USP20: variants seen among roughly 807,000 people sequenced by gnomAD.
The protein encoded by USP20 is ubiquitin carboxyl-terminal hydrolase 20.
A neutral mutation model predicts 124.2 loss-of-function variants in USP20; 80 were observed. The observed-to-expected ratio is 0.64, with a 90% CI of 0.54 to 0.78. USP20 has a LOEUF of 0.78. Among genes scored for constraint, USP20 ranks in the 30% least tolerant of loss-of-function variants. USP20 has a pLI of 0.00. For synonymous variants in USP20, 481 were observed against 512.3 expected (o/e 0.94, Z 0.83); for missense variants, 1,043 against 1,244.4 (o/e 0.84, Z 2.44).
chr9:129,838,238 C>G (rs1338938523), intron 1 of USP20, among the ~76,000 whole-genome samples: 1 of 152,020 alleles, frequency 6.6e-6, no homozygotes, highest in Non-Finnish European at 1.5e-5. Flanking sequence ...GACGGGGTTT[C>G]ACCATGTTGG....
chr9:129,858,402 A>G (rs577966827), intron 5 of USP20, 65 bp from the exon 6 acceptor site: 4 of 1,607,876 alleles, frequency 2.5e-6, no homozygotes, highest in Admixed American at 3.4e-5. Flanking sequence ...CGGAGCAGCC[A>G]TTACAGGTTG....
At chr9:129,865,498 C>G in intron 10 of USP20, 117 bp downstream of exon 10, 1 of 1,069,270 alleles carries the variant, frequency 9.4e-7, no homozygotes, top group South Asian at 1.3e-5. Context: ...TGGCAGGTCT[C>G]ACGGACCAGG....
At chr9:129,876,311 A>G in intron 22 of USP20, 73 bp downstream of exon 22, 2 of 1,331,978 alleles carry the variant, frequency 1.5e-6, no homozygotes, top group Non-Finnish European at 1.1e-6. Flanking sequence ...TTGGGGACAG[A>G]AGAATCCTGT....
At chr9:129,863,565 G>T (rs1175819717) in intron 9 of USP20, among the ~76,000 whole-genome samples, 1 of 152,194 alleles carries the variant, frequency 6.6e-6, no homozygotes, top group Non-Finnish European at 1.5e-5. Context: ...ACCTACTGTT[G>T]ACCCTACCGA....
At chr9:129,865,246 C>G (rs770566312) in intron 9 of USP20, 57 bp from the exon 10 acceptor site, 2 of 1,584,138 alleles carry the variant, frequency 1.3e-6, no homozygotes, top group South Asian at 1.1e-5. Flanking sequence ...CTGCTTCTCT[C>G]GGGAATGAGC....
chr9:129,879,762 G>C lies in USP20; in HGVS notation c.2584+118G>C. 8.7e-7 allele frequency: 1 copy of C among 1,150,326 alleles called. No homozygotes were observed. Among genetic ancestry groups the C allele is most frequent in the Non-Finnish European group, 1.3e-6 (1 of 792,640 alleles). 71.3% of individuals were successfully genotyped at this position (1,150,326 alleles called of 1,614,324 possible). ...ACCTGTCTTAGAGTCAGGCTGAGAC[G>C]TCCACCTGAGTCCAGACCCAGGCGG... On this transcript the variant is annotated intron_variant, in intron 24 of 25. Transcript: ENST00000372429. This position sits in a 1 kb window ranked among gnomAD's most constrained non-coding sequence, Gnocchi z 4.2.
At chr9:129,848,194 G>T (rs1349987348) in intron 1 of USP20, among the ~76,000 whole-genome samples, 2 of 152,126 alleles carry the variant, frequency 1.3e-5, no homozygotes, top group African/African-American at 4.8e-5. Flanking sequence ...TACTCAAGGG[G>T]CTGAGGCAAG....
At chr9:129,866,834 AG>A (rs1350353433) in intron 10 of USP20, among the ~76,000 whole-genome samples, 29 of 152,356 alleles carry the variant, frequency 1.9e-4, no homozygotes, top group African/African-American at 6.7e-4. Context: ...AGTAGATGGC[AG>A]ATTGAAAGCC....
At chr9:129,837,868 A>G (rs1045090528) in intron 1 of USP20, among the ~76,000 whole-genome samples, 4 of 152,082 alleles carry the variant, frequency 2.6e-5, no homozygotes, top group African/African-American at 7.2e-5. Context: ...TTATTTTACA[A>G]AAGCTTTTAT....
At position 129,868,112 on chromosome 9, in the gene USP20, T is replaced by C. The variant is rs777669391; in HGVS notation, c.798T>C (p.Ser266=). ...CGGAGGCTCGGGACTCAGATTCGAG[T>C]GACACGGATGAGAAACGGGAGGGTG... is the stretch of plus-strand genomic sequence containing the variant. The part of the protein sequence containing the change: ...ALTEARDSDS[S]DTDEKREGDR... The change falls in exon 11 of 26, where the codon AGT becomes AGC. Residue 266 remains serine (S), a synonymous_variant. Coordinates refer to ENST00000372429, the MANE Select transcript of USP20 (RefSeq NM_001110303.4). The C allele has an allele frequency of 1.2e-6, 2 of 1,613,878 alleles. No homozygotes were observed. The highest frequency in any genetic ancestry group is 3.3e-5 in the Admixed American group (2 of 60,002).
At chr9:129,850,970 AGAC>A (rs2032885643) in intron 2 of USP20, among the ~76,000 whole-genome samples, 1 of 152,084 alleles carries the variant, frequency 6.6e-6, no homozygotes, top group Non-Finnish European at 1.5e-5. Flanking sequence ...TTTGTTTTTA[AGAC>A]TCATGCAGTC....
chr9:129,873,834 T>C (rs2034255769), intron 17 of USP20, 90 bp downstream of exon 17: 1 of 1,488,804 alleles, frequency 6.7e-7, no homozygotes, highest in African/African-American at 1.4e-5. Context: ...GCTCCACTGC[T>C]CGGGCACTTC....
In USP20 at chr9:129,868,466, G is replaced by A; in HGVS notation, c.1135+17G>A. 3 of 1,603,332 alleles carry A rather than the reference G, an allele frequency of 1.9e-6. No individual in the cohort carries two copies. Among genetic ancestry groups the A allele is most frequent in the Non-Finnish European group, 2.6e-6 (3 of 1,174,310 alleles). The stretch of plus-strand genomic sequence containing the variant: ...GGACGCCAGGTATCAGCTGGCCGGG[G>A]ACTGCGGGAGGAACCTCAGCCTATG... On this transcript the variant is annotated intron_variant, in intron 11 of 25. Transcript: ENST00000372429.
At chr9:129,853,920 C>T (rs1223836969) in intron 3 of USP20, among the ~76,000 whole-genome samples, 3 of 152,108 alleles carry the variant, frequency 2.0e-5, no homozygotes, top group Non-Finnish European at 4.4e-5. Flanking sequence ...GGCTGTGTGT[C>T]AGAGATCACA....
chr9:129,880,476 C>G lies in USP20; in HGVS notation c.*26C>G, dbSNP rs2034595908. Reference sequence around the variant, plus strand: ...GCCCGTGTCCCCACAGCCCCATGTGCCCCACCCCGCGGAAGGCGTGTTTGT... The same window carrying G: ...GCCCGTGTCCCCACAGCCCCATGTGGCCCACCCCGCGGAAGGCGTGTTTGT... On this transcript the variant is annotated 3_prime_UTR_variant, in exon 26 of 26. Transcript: ENST00000372429. 1.5e-6 allele frequency: 1 copy of G among 678,270 alleles called. No individual in the cohort carries two copies. The highest frequency in any genetic ancestry group is 2.4e-6 in the Non-Finnish European group (1 of 417,024). The allele number at this position is 678,270 out of a possible 1,614,324, so 42.0% of individuals were successfully genotyped here.
chr9:129,859,797 G>T (rs1180058679), intron 6 of USP20, among the ~76,000 whole-genome samples: 1 of 152,156 alleles, frequency 6.6e-6, no homozygotes, highest in Non-Finnish European at 1.5e-5. Context: ...CCCTTTGCTG[G>T]GCCAAGGCAG....
At chr9:129,858,385 T>C in intron 5 of USP20, 82 bp from the exon 6 acceptor site, 7 of 1,589,948 alleles carry the variant, frequency 4.4e-6, no homozygotes, top group Non-Finnish European at 6.0e-6. Flanking sequence ...ACTGAGAGGC[T>C]GGGGAGCGGA....
chr9:129,854,825 A>G lies in USP20; in HGVS notation c.82-1482A>G, dbSNP rs2033128621. 2.0e-5 allele frequency among the ~76,000 whole-genome samples: 3 copies of G among 151,752 alleles called. No individual in the cohort carries two copies. The South Asian group carries it at 6.2e-4, about 32-fold the overall frequency. On this transcript the variant is annotated intron_variant, in intron 3 of 25. Coordinates refer to ENST00000372429, the MANE Select transcript of USP20 (RefSeq NM_001110303.4). ...AGAGTGCAGATCTCAGCTTCATCGT[A>G]TGGGACAAGCTGCTTCACTTCAACC...
At chr9:129,876,365 A>C in intron 22 of USP20, 127 bp downstream of exon 22, 1 of 740,514 alleles carries the variant, frequency 1.4e-6, no homozygotes, top group Non-Finnish European at 2.3e-6. Context: ...GAGGCTGGGC[A>C]TGGTGGCTCA....
Sources: allele counts gnomAD v4.1 joint callset (sites outside exome capture counted in the v4.1 genomes callset), GRCh38; gene constraint gnomAD v4.1.1; non-coding constraint Gnocchi (gnomAD v3.1); transcripts MANE v1.5; gene names NCBI Gene and HGNC (gene_info 2026-07-23, HGNC 2026-07-21).